The following KDM4C variants were observed in gnomAD, a reference collection of about 807,000 sequenced individuals.
KDM4C encodes lysine demethylase 4C.
KDM4C carries 81 observed loss-of-function variants against 129.3 expected under a neutral mutation model. That is an observed-to-expected ratio of 0.63 (90% CI 0.52 to 0.75). KDM4C has a LOEUF of 0.75. Among genes scored for constraint, KDM4C ranks in the 30% least tolerant of loss-of-function variants. KDM4C has a pLI of 0.00. For missense variants in KDM4C, 1,457 were observed against 1,304.0 expected (o/e 1.12, Z -1.81); for synonymous variants, 573 against 456.1 (o/e 1.26, Z -3.26).
intron 18 of KDM4C, among the ~76,000 whole-genome samples, chr9:7,111,133 CAGT>C (rs1838274419): frequency 1.3e-5 from 2 of 151,866 alleles, no homozygotes; most frequent in South Asian, 2.1e-4. Context: ...TTTGATGAGA[CAGT>C]GGTGGGAAAC....
At chr9:7,161,683 C>G (rs999880495) in intron 19 of KDM4C, among the ~76,000 whole-genome samples, 2 of 152,156 alleles carry the variant, frequency 1.3e-5, no homozygotes, top group African/African-American at 2.4e-5. Flanking sequence ...GGCTGCTGGG[C>G]TTTATTGCCT....
chr9:6,865,199 G>A lies in KDM4C; in HGVS notation c.630-14813G>A, dbSNP rs369298309. Reference sequence around the variant, plus strand: ...AATTTTTTGTATTTTTAGTAGAGACGGGGTTTCACCGTGTTTGCCAGGATG... The same window carrying A: ...AATTTTTTGTATTTTTAGTAGAGACAGGGTTTCACCGTGTTTGCCAGGATG... On this transcript the variant is annotated intron_variant, in intron 5 of 21. Transcript: ENST00000381309. Among the ~76,000 whole-genome samples, 97 of 151,840 alleles carry A rather than the reference G, an allele frequency of 6.4e-4. 2 individuals carry two copies. In the South Asian group the frequency reaches 0.019, roughly 30 times the overall value.
At chr9:7,008,210 G>C (rs916697424) in intron 12 of KDM4C, among the ~76,000 whole-genome samples, 3 of 152,100 alleles carry the variant, frequency 2.0e-5, no homozygotes, top group African/African-American at 7.2e-5. Context: ...CCAATCTAAG[G>C]TCCGTTGCAG....
At chr9:6,956,850 A>C (rs12352785) in intron 8 of KDM4C, among the ~76,000 whole-genome samples, 113,360 of 152,046 alleles carry the variant, frequency 0.75, 42,703 homozygotes, top group East Asian at 1. Flanking sequence ...TAGGGTATCC[A>C]TTTCTTTGGC....
intron 8 of KDM4C, among the ~76,000 whole-genome samples, chr9:6,947,173 A>G (rs934228256): frequency 2.6e-5 from 4 of 152,206 alleles, no homozygotes; most frequent in Admixed American, 2.6e-4. Context: ...AATTTCTCTG[A>G]AGAATGTCAC....
intron 8 of KDM4C, among the ~76,000 whole-genome samples, chr9:6,919,255 C>CTTTCTTTCTTTCTTTCTTTCTTTAT (rs1554643789): frequency 8.2e-5 from 10 of 122,524 alleles, no homozygotes; most frequent in African/African-American, 3.3e-4. Context: ...TCTTTTCTTT[C>CTTTCTTTCTTTCTTTCTTTCTTTAT]TTTCTTTCTT....
At chr9:6,784,818 C>G (rs373832712) in intron 1 of KDM4C, among the ~76,000 whole-genome samples, 1 of 152,208 alleles carries the variant, frequency 6.6e-6, no homozygotes. Context: ...GGGCCCAGGC[C>G]TGGGGGGCCC....
chr9:7,159,920 G>A (rs942969656), intron 19 of KDM4C, among the ~76,000 whole-genome samples: 1 of 152,190 alleles, frequency 6.6e-6, no homozygotes, highest in African/African-American at 2.4e-5. Context: ...CTATCCTGAC[G>A]AGTGTTTTCC....
intron 15 of KDM4C, among the ~76,000 whole-genome samples, chr9:7,046,602 C>A (rs1829433538): frequency 6.6e-6 from 1 of 151,940 alleles, no homozygotes; most frequent in African/African-American, 2.4e-5. Context: ...ATGACAGTGT[C>A]AATTTAAAAT....
At chr9:6,771,080 CTTTTTTT>C (rs35945405) in intron 1 of KDM4C, among the ~76,000 whole-genome samples, 39 of 56,970 alleles carry the variant, frequency 6.8e-4, no homozygotes, top group African/African-American at 1.3e-3. Context: ...GACTGTGAAT[CTTTTTTT>C]TTTTTTTTTT....
chr9:6,968,904 G>A (rs866024718), intron 8 of KDM4C, among the ~76,000 whole-genome samples: 1 of 152,132 alleles, frequency 6.6e-6, no homozygotes, highest in East Asian at 1.9e-4. Context: ...TTGGTTCTGG[G>A]ATATTGGAAT....
intron 5 of KDM4C, among the ~76,000 whole-genome samples, chr9:6,853,201 T>C (rs1336419385): frequency 2.0e-5 from 3 of 152,144 alleles, no homozygotes; most frequent in African/African-American, 2.4e-5. Context: ...AAAGATTCTT[T>C]TCTAGCCCAG....
At chr9:6,823,976 C>T (rs1833472143) in intron 4 of KDM4C, among the ~76,000 whole-genome samples, 1 of 152,148 alleles carries the variant, frequency 6.6e-6, no homozygotes, top group South Asian at 2.1e-4. Flanking sequence ...TGCCAATACA[C>T]TTAATGTGGG....
intron 8 of KDM4C, among the ~76,000 whole-genome samples, chr9:6,965,352 T>C (rs200242667): frequency 6.6e-6 from 1 of 151,828 alleles, no homozygotes; most frequent in African/African-American, 2.4e-5. Flanking sequence ...AATTTATATA[T>C]AGAGAGATAT....
At chr9:7,134,076 C>G (rs12341013) in intron 19 of KDM4C, among the ~76,000 whole-genome samples, 79,987 of 152,062 alleles carry the variant, frequency 0.53, 21,297 homozygotes, top group Middle Eastern at 0.64. Context: ...CCCTCTCCCC[C>G]TCCCTGCCAG....
At chr9:6,741,185 C>G (rs1187386479) in intron 1 of KDM4C, among the ~76,000 whole-genome samples, 1 of 151,788 alleles carries the variant, frequency 6.6e-6, no homozygotes. Flanking sequence ...ATCATGAGGT[C>G]AGGAGAATGG....
intron 1 of KDM4C, among the ~76,000 whole-genome samples, chr9:6,780,529 A>T (rs564064467): frequency 1.7e-4 from 26 of 151,990 alleles, no homozygotes; most frequent in Admixed American, 9.8e-4. Context: ...CACTTTGGGA[A>T]GCCAAGGCAG....
intron 2 of KDM4C, among the ~76,000 whole-genome samples, chr9:6,803,654 G>A (rs922762453): frequency 6.6e-6 from 1 of 151,050 alleles, no homozygotes; most frequent in African/African-American, 2.4e-5. Flanking sequence ...ACTATTGCCT[G>A]TAATTCCAGC....
intron 8 of KDM4C, among the ~76,000 whole-genome samples, chr9:6,958,478 T>G (rs1411153382): frequency 6.6e-6 from 1 of 151,872 alleles, no homozygotes; most frequent in Non-Finnish European, 1.5e-5. Context: ...TCTCAGCTAC[T>G]TGGGAGGCTG....
Sources: gnomAD v4.1 joint callset for allele counts (sites outside exome capture counted in the v4.1 genomes callset) on GRCh38, gnomAD v4.1.1 for gene constraint, MANE v1.5 for transcripts, NCBI Gene and HGNC (gene_info 2026-07-23, HGNC 2026-07-21) for gene names.